Variants in COA1 observed in about 807,000 individuals in gnomAD.
COA1 encodes cytochrome c oxidase assembly factor 1 homolog.
A neutral mutation model predicts 16.0 loss-of-function variants in COA1; 13 were observed. That is an observed-to-expected ratio of 0.81 (90% confidence interval 0.53 to 1.29). The LOEUF (loss-of-function observed/expected upper bound fraction) is 1.29, where lower values mean the gene tolerates loss of function less well. COA1 is among the 50% of genes most tolerant of loss of function. COA1 has a pLI of 0.00. For missense variants in COA1, 179 were observed against 177.0 expected, an observed-to-expected ratio of 1.01 and a Z score of -0.06; for synonymous variants, 65 against 65.7, an observed-to-expected ratio of 0.99 and a Z score of 0.05.
intron 1 of COA1, among the ~76,000 whole-genome samples, chr7:43,718,492 A>G (rs1455064355): frequency 6.6e-6 from 1 of 152,220 alleles, no homozygotes; most frequent in Non-Finnish European, 1.5e-5. Flanking sequence ...ATTTGGAATT[A>G]CCAGTAACTT....
chr7:43,676,618 G>C (rs113340034), intron 1 of COA1, among the ~76,000 whole-genome samples: 1 of 152,002 alleles, frequency 6.6e-6, no homozygotes, highest in Non-Finnish European at 1.5e-5. Context: ...GATGATTATA[G>C]GTAACATAAT....
intron 1 of COA1, among the ~76,000 whole-genome samples, chr7:43,718,568 T>C (rs2095441537): frequency 6.6e-6 from 1 of 152,230 alleles, no homozygotes; most frequent in African/African-American, 2.4e-5. Flanking sequence ...TGACTTCCCA[T>C]ACAGAAACAT....
At chr7:43,614,211 A>G (rs957652269) in intron 6 of COA1, among the ~76,000 whole-genome samples, 1 of 152,218 alleles carries the variant, frequency 6.6e-6, no homozygotes, top group Non-Finnish European at 1.5e-5. Context: ...GATTATGTAC[A>G]AAGATGAAGA....
chr7:43,610,432 G>A (rs570870599), intron 6 of COA1, among the ~76,000 whole-genome samples: 3 of 147,426 alleles, frequency 2.0e-5, no homozygotes, highest in South Asian at 2.2e-4. Flanking sequence ...TTGGGAGGCC[G>A]AGCCAGGCAG....
intron 6 of COA1, chr7:43,633,191 G>A (rs2085340543): frequency 6.6e-6 from 1 of 152,318 alleles, no homozygotes; most frequent in Non-Finnish European, 1.5e-5. Context: ...GATGGTCCAA[G>A]CTAGATCTTC....
At chr7:43,648,762 A>T (rs1401779530) in intron 1 of COA1, 110 bp from the exon 2 acceptor site, 7 of 756,370 alleles carry the variant, frequency 9.3e-6, no homozygotes, top group Non-Finnish European at 1.5e-5. Context: ...CACGAACAAG[A>T]AGTTAAAATT....
intron 1 of COA1, among the ~76,000 whole-genome samples, chr7:43,713,657 GT>G (rs983413515): frequency 2.8e-4 from 42 of 151,994 alleles, no homozygotes; most frequent in African/African-American, 1.0e-3. Context: ...TTGCTTTTTT[GT>G]TTTGCTTAAT....
At chr7:43,637,771 A>G (rs2086148712), downstream of COA1, among the ~76,000 whole-genome samples, 1 of 152,226 alleles carries the variant, frequency 6.6e-6, no homozygotes, top group Non-Finnish European at 1.5e-5. Context: ...ACTACATAAT[A>G]CTATTTCCTA....
rs1025370435 is a variant in COA1, at chr7:43,645,811, G to C, written c.116-412C>G. 9 of 160,320 alleles carry C rather than the reference G, an allele frequency of 5.6e-5. No homozygotes were observed. In the South Asian group the frequency reaches 1.5e-3, roughly 26 times the overall value. The allele number at this position is 160,320 out of a possible 1,614,324, so 9.9% of individuals were successfully genotyped here. A position where few individuals can be genotyped will look rare whatever the true frequency, so the allele number is the denominator to read the frequency against. ...GACACAGCTGGTCCATGGCAAAGCC[G>C]AGGCCAGAATCCATGATACCTGACT... On this transcript the variant is annotated intron_variant, in intron 3 of 5. Transcript: ENST00000223336.
chr7:43,643,492 C>T (rs934087257), intron 4 of COA1, among the ~76,000 whole-genome samples: 12 of 152,334 alleles, frequency 7.9e-5, no homozygotes, highest in African/African-American at 2.6e-4. Context: ...AGAGTGAGCA[C>T]TCCACACATG....
At chr7:43,666,691 T>G (rs1037088427) in intron 1 of COA1, among the ~76,000 whole-genome samples, 1 of 152,182 alleles carries the variant, frequency 6.6e-6, no homozygotes, top group Non-Finnish European at 1.5e-5. Context: ...ATTCCAAGAT[T>G]GTATACTGCC....
At chr7:43,712,069 G>A (rs908196515) in intron 1 of COA1, among the ~76,000 whole-genome samples, 1 of 151,800 alleles carries the variant, frequency 6.6e-6, no homozygotes. Flanking sequence ...TCATTCCCTT[G>A]CTTTTCTTTT....
chr7:43,653,239 G>C (rs1184053219), intron 1 of COA1, among the ~76,000 whole-genome samples: 4 of 152,088 alleles, frequency 2.6e-5, no homozygotes, highest in African/African-American at 9.7e-5. Context: ...GTGAACCCGG[G>C]AGGTGGAGCT....
chr7:43,684,448 C>T (rs1367665454), intron 1 of COA1, among the ~76,000 whole-genome samples: 1 of 152,114 alleles, frequency 6.6e-6, no homozygotes, highest in East Asian at 1.9e-4. Flanking sequence ...CATGGCAGCA[C>T]AGAGATCCAA....
chr7:43,684,406 G>A (rs1242517363), intron 1 of COA1, among the ~76,000 whole-genome samples: 1 of 152,164 alleles, frequency 6.6e-6, no homozygotes, highest in Non-Finnish European at 1.5e-5. Flanking sequence ...TTTCTTCACA[G>A]CATTGCAGCT....
At chr7:43,640,378 T>C (rs2086743632) in intron 5 of COA1, among the ~76,000 whole-genome samples, 195 bp downstream of exon 5, 1 of 152,256 alleles carries the variant, frequency 6.6e-6, no homozygotes, top group Admixed American at 6.5e-5. Flanking sequence ...CAGTAGACTG[T>C]ATGGATAAAC....
chr7:43,636,180 G>T (rs2085842418), downstream of COA1, among the ~76,000 whole-genome samples: 1 of 152,106 alleles, frequency 6.6e-6, no homozygotes, highest in South Asian at 2.1e-4. Flanking sequence ...TTATAACATG[G>T]GCGCAGTTTT....
chr7:43,624,766 A>G, intron 6 of COA1: 3 of 1,613,496 alleles, frequency 1.9e-6, no homozygotes, highest in Non-Finnish European at 2.5e-6. Flanking sequence ...GAGAAAATGG[A>G]GCAAAAGGCC....
At chr7:43,667,496 G>A (rs1356500568) in intron 1 of COA1, among the ~76,000 whole-genome samples, 1 of 152,044 alleles carries the variant, frequency 6.6e-6, no homozygotes, top group Non-Finnish European at 1.5e-5. Context: ...TAAAGTTATT[G>A]TAAACCACAG....
Sources: allele counts gnomAD v4.1 joint callset (sites outside exome capture counted in the v4.1 genomes callset), GRCh38; gene constraint gnomAD v4.1.1; transcripts MANE v1.5; gene names NCBI Gene and HGNC (gene_info 2026-07-23, HGNC 2026-07-21).